Variants in SPACA3 observed in about 807,000 individuals in gnomAD.
The protein encoded by SPACA3 is sperm acrosome membrane-associated protein 3.
A neutral mutation model predicts 24.5 loss-of-function variants in SPACA3; 21 were observed. That is an observed-to-expected ratio of 0.86 (90% CI 0.61 to 1.24). The LOEUF (loss-of-function observed/expected upper bound fraction) is 1.24, where lower values mean the gene tolerates loss of function less well. Ranked by LOEUF, SPACA3 falls within the 50% of genes most tolerant of loss-of-function variation. The pLI is 0.00. For missense variants in SPACA3, 278 were observed against 275.5 expected (o/e 1.01, Z -0.06); for synonymous variants, 115 against 106.9 (o/e 1.08, Z -0.47).
chr17:32,992,013 G>T (rs1302646064), intron 1 of SPACA3, 41 bp downstream of exon 1: 2 of 1,610,186 alleles, frequency 1.2e-6, no homozygotes, highest in South Asian at 2.2e-5. Flanking sequence ...GTTAACAGGG[G>T]CGCTGGGTTG....
intron 4 of SPACA3, 26 bp downstream of exon 4, chr17:32,997,549 C>T (rs1229390407): frequency 1.9e-6 from 3 of 1,603,564 alleles, no homozygotes; most frequent in African/African-American, 2.7e-5. Flanking sequence ...TGGAGCCCCG[C>T]AGCGGTGGTA....
intron 1 of SPACA3, among the ~76,000 whole-genome samples, chr17:32,994,938 G>A (rs2151128204): frequency 6.6e-6 from 1 of 152,274 alleles, no homozygotes; most frequent in East Asian, 1.9e-4. Flanking sequence ...ACATCTTGGG[G>A]TCTTGTGTGT....
Position 32,995,622 on chromosome 17 carries a change from C to G in SPACA3, c.248C>G (p.Pro83Arg), listed in dbSNP as rs575057710. The G allele has an allele frequency of 3.7e-6, 6 of 1,614,108 alleles. No homozygotes were observed. The highest frequency in any genetic ancestry group is 3.4e-6 in the Non-Finnish European group (4 of 1,180,056). Residue 83 changes from proline (P) to arginine (R), a missense_variant, in exon 2 of 5, where the codon CCC becomes CGC. Physicochemically the swap from Pro to Arg is moderately radical, Grantham distance 103 (BLOSUM62 -2). Transcript: ENST00000269053. ...ALVCLLSCLL[P>R]SSEAKLYGRC... ...GTCTGTCTGCTCAGCTGCCTGCTAC[C>G]CTCCAGTGAGGCCAAGCTCTACGGT...
rs957365537 is a variant in SPACA3 at position 32,997,867 on chromosome 17, T to C, written c.*89T>C. 1 of 1,379,320 alleles carries C rather than the reference T, an allele frequency of 7.2e-7. No individual in the cohort carries two copies. The highest frequency in any genetic ancestry group is 1.0e-6 in the Non-Finnish European group (1 of 968,952). The allele number at this position is 1,379,320 out of a possible 1,614,324, so 85.4% of individuals were successfully genotyped here. A position where few individuals can be genotyped will look rare whatever the true frequency, so the allele number is the denominator to read the frequency against. On this transcript the variant is annotated 3_prime_UTR_variant, in exon 5 of 5. Coordinates refer to ENST00000269053, the MANE Select transcript of SPACA3 (RefSeq NM_173847.5). ...AGACAAGCCAGCGAATAAAGGATGG[T>C]TGAACGTGAATATGGCTCTCAGCTC...
Position 32,992,720 on chromosome 17 carries a change from G to A in SPACA3, c.34+748G>A, listed in dbSNP as rs1032407638. ...TATGAGTCAGAGTTAACCATGTAGA[G>A]GAAAGGAGAGGGTGAATGTTCTAGA... is the stretch of plus-strand genomic sequence containing the variant. On this transcript the variant is annotated intron_variant, in intron 1 of 4. Coordinates refer to ENST00000269053, the MANE Select transcript of SPACA3 (RefSeq NM_173847.5). The A allele has an allele frequency of 8.1e-6, 3 of 371,970 alleles. No homozygotes were observed. The Admixed American group carries it at 1.1e-4, about 13-fold the overall frequency. 23.0% of individuals were successfully genotyped at this position (371,970 alleles called of 1,614,324 possible).
intron 1 of SPACA3, chr17:32,992,998 G>A (rs1328127158): frequency 2.1e-6 from 1 of 469,538 alleles, no homozygotes; most frequent in East Asian, 7.0e-5. Context: ...AAGGAAGCCA[G>A]GATGGAGGTG....
chr17:32,994,332 C>T (rs535166636), intron 1 of SPACA3, among the ~76,000 whole-genome samples: 1 of 152,282 alleles, frequency 6.6e-6, no homozygotes, highest in South Asian at 2.1e-4. Context: ...CTCACGTCCT[C>T]ATTTTATAGA....
intron 3 of SPACA3, 38 bp downstream of exon 3, chr17:32,997,039 C>G (rs780371019): frequency 6.8e-7 from 1 of 1,476,276 alleles, no homozygotes; most frequent in Non-Finnish European, 9.0e-7. Flanking sequence ...AGGAGTCAGG[C>G]CCTGCATTAG....
At chr17:32,993,107 A>T (rs1311615319) in intron 1 of SPACA3, 1 of 372,890 alleles carries the variant, frequency 2.7e-6, no homozygotes, top group African/African-American at 2.2e-5. Flanking sequence ...ATGGGGAAGG[A>T]GTGAAGAATG....
Position 32,995,759 on chromosome 17 carries a change from CTCCCTCCCTCTT to C in SPACA3, c.343+54_343+65del, listed in dbSNP as rs752861274. On this transcript the variant is annotated intron_variant, in intron 2 of 4. Coordinates refer to ENST00000269053, the MANE Select transcript of SPACA3 (RefSeq NM_173847.5). ...CTGGCGGGCCCTGACTTCCCCACAC[CTCCCTCCCTCTT>C]TCCCTCCCTCTCTCCTTCTCATTCA... 3 of 1,576,668 alleles carry C rather than the reference CTCCCTCCCTCTT, an allele frequency of 1.9e-6. No homozygotes were observed. The South Asian group carries it at 3.5e-5, about 18-fold the overall frequency.
At chr17:32,996,547 C>T (rs1045784231) in intron 2 of SPACA3, among the ~76,000 whole-genome samples, 1 of 151,632 alleles carries the variant, frequency 6.6e-6, no homozygotes, top group Non-Finnish European at 1.5e-5. Flanking sequence ...ATTTATTGGG[C>T]CCTACTATGT....
chr17:32,992,895 C>T (rs572153956), intron 1 of SPACA3: 4 of 470,930 alleles, frequency 8.5e-6, no homozygotes, highest in Non-Finnish European at 1.8e-5. Flanking sequence ...CAAGGTGTCA[C>T]AGGGCTGGGC....
At chr17:32,995,787 T>G (rs2091718627) in intron 2 of SPACA3, 70 bp downstream of exon 2, 6 of 1,520,106 alleles carry the variant, frequency 3.9e-6, no homozygotes, top group Non-Finnish European at 5.3e-6. Flanking sequence ...CCCTCTCTCC[T>G]TCTCATTCAA....
In SPACA3 at chr17:32,996,162, A is replaced by T. The variant is rs2091720219; in HGVS notation, c.343+445A>T. On this transcript the variant is annotated intron_variant, in intron 2 of 4. Transcript: ENST00000269053. ...AGGTCGAGCACCCTCTATAGATTCC[A>T]CCTGGGTCTTCCTAATCTTGTTACT... 2.0e-5 allele frequency among the ~76,000 whole-genome samples: 3 copies of T among 152,092 alleles called. No individual in the cohort carries two copies. In the South Asian group the frequency reaches 6.2e-4, roughly 32 times the overall value.
intron 2 of SPACA3, among the ~76,000 whole-genome samples, 184 bp downstream of exon 2, chr17:32,995,901 G>T (rs182276515): frequency 6.6e-6 from 1 of 152,176 alleles, no homozygotes; most frequent in Non-Finnish European, 1.5e-5. Context: ...CAGTAGGCAG[G>T]CAGCAGGCAA....
chr17:32,997,395 A>G, intron 3 of SPACA3, 50 bp from the exon 4 acceptor site: 1 of 1,470,594 alleles, frequency 6.8e-7, no homozygotes, highest in Non-Finnish European at 9.5e-7. Context: ...ACACACACAC[A>G]CCTGGATGTC....
At chr17:32,997,620 A>G in intron 4 of SPACA3, 92 bp from the exon 5 acceptor site, 1 of 1,547,466 alleles carries the variant, frequency 6.5e-7, no homozygotes, top group Non-Finnish European at 8.9e-7. Flanking sequence ...CTTCTGGTTT[A>G]GAGACCACAC....
At chr17:32,992,793 G>A (rs980114421) in intron 1 of SPACA3, 14 of 436,812 alleles carry the variant, frequency 3.2e-5, no homozygotes, top group Admixed American at 1.9e-4. Context: ...GAAACATAAC[G>A]TGTGAATGAG....
rs2091731929 is a variant in SPACA3 at position 32,997,728 on chromosome 17, C to A, written c.598C>A (p.His200Asn). The A allele has an allele frequency of 3.1e-6, 5 of 1,614,102 alleles. No homozygotes were observed. The highest frequency in any genetic ancestry group is 4.2e-6 in the Non-Finnish European group (5 of 1,180,042). ...CATCCTCAGGGAGGCCTGGAGGCATCACTGCCAGGGAAAAGACCTCACTGA... is the reference window on the plus strand; with the variant it reads ...CATCCTCAGGGAGGCCTGGAGGCATAACTGCCAGGGAAAAGACCTCACTGA... ...GLGYWEAWRHHCQGKDLTEWV... is the reference protein window; with the variant it reads ...GLGYWEAWRHNCQGKDLTEWV... The change falls in exon 5 of 5, where the codon CAC (histidine) becomes AAC (asparagine). Residue 200 changes from histidine (H) to asparagine (N), a missense_variant. By Grantham distance (68) the His-to-Asn change is moderately conservative. Transcript: ENST00000269053.
Sources: allele counts gnomAD v4.1 joint callset (sites outside exome capture counted in the v4.1 genomes callset), GRCh38; gene constraint gnomAD v4.1.1; transcripts MANE v1.5; gene names NCBI Gene and HGNC (gene_info 2026-07-23, HGNC 2026-07-21).